Variants in KCNQ5 observed in about 807,000 individuals in gnomAD.
KCNQ5 encodes the protein potassium voltage-gated channel subfamily KQT member 5.
KCNQ5 carries 30 observed loss-of-function variants against 98.2 expected under a neutral mutation model. That is an observed-to-expected ratio of 0.31 (90% CI 0.23 to 0.41). The LOEUF is 0.41. Among genes scored for constraint, KCNQ5 ranks in the 10% least tolerant of loss-of-function variants. The probability of loss-of-function intolerance (pLI) is 1.00; values close to 1 mark genes in which losing one functional copy is unlikely to be tolerated. For synonymous variants in KCNQ5, 458 were observed against 449.4 expected, an observed-to-expected ratio of 1.02 and a Z score of -0.24; for missense variants, 835 against 1,182.5, an observed-to-expected ratio of 0.71 and a Z score of 4.31.
chr6:72,629,305 T>TA (rs1278811874), intron 1 of KCNQ5, among the ~76,000 whole-genome samples: 4 of 152,208 alleles, frequency 2.6e-5, no homozygotes, highest in South Asian at 4.1e-4. Context: ...TGCATTCCTT[T>TA]AAAAAATCAC....
intron 1 of KCNQ5, among the ~76,000 whole-genome samples, chr6:72,886,134 G>A (rs1462205092): frequency 6.6e-6 from 1 of 152,178 alleles, no homozygotes; most frequent in Non-Finnish European, 1.5e-5. Flanking sequence ...GACAGACTCA[G>A]ACCATCAAAG....
chr6:72,708,938 T>C lies in KCNQ5; in HGVS notation c.398+86351T>C, dbSNP rs1267569540. ...AAGTAATCAGGTTCCTACCATGATA[T>C]GGTGGAAGAGAAAGATCACAATTCT... On this transcript the variant is annotated intron_variant, in intron 1 of 13. Coordinates refer to ENST00000370398, the MANE Select transcript of KCNQ5 (RefSeq NM_019842.4). Among the ~76,000 whole-genome samples the C allele has an allele frequency of 2.6e-5, 4 of 152,326 alleles. No individual in the cohort carries two copies. In the South Asian group the frequency reaches 8.3e-4, roughly 32 times the overall value.
At chr6:73,095,342 G>A (rs1214862329) in intron 5 of KCNQ5, among the ~76,000 whole-genome samples, 2 of 151,940 alleles carry the variant, frequency 1.3e-5, no homozygotes, top group Non-Finnish European at 2.9e-5. Context: ...ATCATTTTTT[G>A]GATTTCCTTA....
intron 1 of KCNQ5, among the ~76,000 whole-genome samples, chr6:72,983,459 G>A (rs530255544): frequency 1.3e-5 from 2 of 151,900 alleles, no homozygotes; most frequent in South Asian, 2.1e-4. Flanking sequence ...CCACTTGATC[G>A]ATAAGGCTGT....
chr6:72,832,747 G>T (rs959579514), intron 1 of KCNQ5, among the ~76,000 whole-genome samples: 1 of 152,114 alleles, frequency 6.6e-6, no homozygotes, highest in African/African-American at 2.4e-5. Context: ...ATGACAATTT[G>T]GGAGCAGATT....
chr6:73,043,085 G>A (rs117168907), intron 3 of KCNQ5: 18 of 396,270 alleles, frequency 4.5e-5, no homozygotes, highest in Admixed American at 5.6e-5. Flanking sequence ...GAATTGTTGC[G>A]TAATCTTCTC....
intron 2 of KCNQ5, among the ~76,000 whole-genome samples, chr6:73,034,347 G>GGA (rs1771294386): frequency 6.6e-6 from 1 of 152,188 alleles, no homozygotes; most frequent in East Asian, 1.9e-4. Flanking sequence ...CTGAATAAAA[G>GGA]CAATAGTTCT....
At chr6:73,097,142 C>T (rs1582350299) in intron 5 of KCNQ5, among the ~76,000 whole-genome samples, 1 of 121,854 alleles carries the variant, frequency 8.2e-6, no homozygotes, top group Non-Finnish European at 1.8e-5. Flanking sequence ...CAATAGATCT[C>T]ATATATATAT....
intron 3 of KCNQ5, among the ~76,000 whole-genome samples, chr6:73,069,982 A>G (rs1056994176): frequency 2.6e-5 from 4 of 152,200 alleles, no homozygotes; most frequent in African/African-American, 9.7e-5. Flanking sequence ...TAAGGAGGAG[A>G]CAGGATAAAT....
At chr6:72,807,209 A>G (rs1774998549) in intron 1 of KCNQ5, among the ~76,000 whole-genome samples, 1 of 152,186 alleles carries the variant, frequency 6.6e-6, no homozygotes, top group African/African-American at 2.4e-5. Context: ...TATTAGCTAC[A>G]TCTTGCTAAT....
chr6:72,810,232 T>C (rs543273432), intron 1 of KCNQ5, among the ~76,000 whole-genome samples: 44 of 152,344 alleles, frequency 2.9e-4, no homozygotes, highest in African/African-American at 1.1e-3. Context: ...AATATGTTGG[T>C]TGATTTTATG....
intron 1 of KCNQ5, among the ~76,000 whole-genome samples, chr6:72,667,846 C>G (rs1368431934): frequency 1.3e-5 from 2 of 152,062 alleles, no homozygotes; most frequent in Non-Finnish European, 2.9e-5. Context: ...TGAGTGCAAG[C>G]TGAGAAACAT....
At chr6:73,052,551 C>T (rs1772292826) in intron 3 of KCNQ5, among the ~76,000 whole-genome samples, 1 of 152,164 alleles carries the variant, frequency 6.6e-6, no homozygotes, top group Non-Finnish European at 1.5e-5. Context: ...TCAGCAGAAA[C>T]TCTATAAGCC....
At chr6:72,821,668 T>G (rs1690600565) in intron 1 of KCNQ5, among the ~76,000 whole-genome samples, 1 of 152,028 alleles carries the variant, frequency 6.6e-6, no homozygotes, top group South Asian at 2.1e-4. Flanking sequence ...TTCTGGTAAT[T>G]TCTGACATTA....
intron 10 of KCNQ5, among the ~76,000 whole-genome samples, chr6:73,145,409 T>C (rs1399703237): frequency 6.6e-6 from 1 of 152,236 alleles, no homozygotes; most frequent in Non-Finnish European, 1.5e-5. Context: ...TTTTCTTTCA[T>C]ATAATTCATG....
chr6:72,659,226 C>T lies in KCNQ5; in HGVS notation c.398+36639C>T, dbSNP rs75255882. ...TTATCCAACTGTCTTATTAATATTT[C>T]CAAGGATGGCTATAGACATTTCTGC... On this transcript the variant is annotated intron_variant, in intron 1 of 13. Transcript: ENST00000370398. Among the ~76,000 whole-genome samples the T allele has an allele frequency of 9.8e-3, 1,491 of 152,262 alleles. 20 individuals carry two copies. Among genetic ancestry groups the T allele is most frequent in the African/African-American group, 0.033 (1,383 of 41,542 alleles).
At chr6:72,928,081 G>A (rs140094293) in intron 1 of KCNQ5, among the ~76,000 whole-genome samples, 1 of 152,066 alleles carries the variant, frequency 6.6e-6, no homozygotes, top group African/African-American at 2.4e-5. Context: ...AGCAACAAAA[G>A]TGTTGTCTCT....
chr6:72,674,177 CCTAT>C (rs1380140933), intron 1 of KCNQ5, among the ~76,000 whole-genome samples: 5 of 151,788 alleles, frequency 3.3e-5, no homozygotes, highest in Non-Finnish European at 7.4e-5. Context: ...TGTATGTCTG[CCTAT>C]CTGTCTATCT....
intron 5 of KCNQ5, among the ~76,000 whole-genome samples, chr6:73,104,432 A>T (rs964556450): frequency 3.3e-5 from 5 of 151,840 alleles, no homozygotes; most frequent in African/African-American, 1.2e-4. Context: ...ATAAAATATT[A>T]AAAAAATAAA....
Sources: gnomAD v4.1 joint callset for allele counts (sites outside exome capture counted in the v4.1 genomes callset) on GRCh38, gnomAD v4.1.1 for gene constraint, MANE v1.5 for transcripts, NCBI Gene and HGNC (gene_info 2026-07-23, HGNC 2026-07-21) for gene names.